The following PPP2R5E variants were observed in gnomAD, a reference collection of about 807,000 sequenced individuals.
The protein encoded by PPP2R5E is serine/threonine-protein phosphatase 2A 56 kDa regulatory subunit epsilon isoform.
A neutral mutation model predicts 65.3 loss-of-function variants in PPP2R5E; 4 were observed. The observed-to-expected ratio is 0.06, with a 90% CI of 0.03 to 0.14. The LOEUF is 0.14. Among genes scored for constraint, PPP2R5E ranks in the 10% least tolerant of loss-of-function variants. The pLI is 1.00. For synonymous variants in PPP2R5E, 183 were observed against 187.4 expected (o/e 0.98, Z 0.19); for missense variants, 274 against 556.1 (o/e 0.49, Z 5.10).
intron 2 of PPP2R5E, among the ~76,000 whole-genome samples, chr14:63,489,027 C>T (rs1029431321): frequency 7.2e-5 from 11 of 151,988 alleles, no homozygotes; most frequent in African/African-American, 1.2e-4. Flanking sequence ...AACCCAGAGG[C>T]GTTAACTGAC....
At chr14:63,535,154 G>C (rs1462122787) in intron 2 of PPP2R5E, among the ~76,000 whole-genome samples, 1 of 152,164 alleles carries the variant, frequency 6.6e-6, no homozygotes, top group Non-Finnish European at 1.5e-5. Flanking sequence ...GCTGGGCGCA[G>C]TGACTGACGC....
chr14:63,482,494 G>A lies in PPP2R5E; in HGVS notation c.158-28609C>T, dbSNP rs1459908551. On this transcript the variant is annotated intron_variant, in intron 2 of 13. Transcript: ENST00000337537. ...AACAACAAAAAAAAACTGTTGCCAT[G>A]AGTCACGCGTGATTTTAGCCTCTAT... Among the ~76,000 whole-genome samples, 5 of 152,074 alleles carry A rather than the reference G, an allele frequency of 3.3e-5. No individual in the cohort carries two copies. The South Asian group carries it at 6.2e-4, about 19-fold the overall frequency.
chr14:63,476,672 A>G (rs1175786010), intron 2 of PPP2R5E, among the ~76,000 whole-genome samples: 2 of 152,150 alleles, frequency 1.3e-5, no homozygotes, highest in East Asian at 3.8e-4. Flanking sequence ...GCCCTACTAT[A>G]TGGATGTATT....
chr14:63,484,080 CAAA>C (rs35786223), intron 2 of PPP2R5E, among the ~76,000 whole-genome samples: 1 of 134,230 alleles, frequency 7.4e-6, no homozygotes, highest in Non-Finnish European at 1.6e-5. Context: ...GAGACTCCAC[CAAA>C]AAAAAAAAAA....
At chr14:63,461,639 T>C (rs1375579334) in intron 2 of PPP2R5E, among the ~76,000 whole-genome samples, 1 of 87,980 alleles carries the variant, frequency 1.1e-5, no homozygotes, top group Non-Finnish European at 2.1e-5. Context: ...TCTACAAAAT[T>C]TAAAAAAAAA....
intron 2 of PPP2R5E, among the ~76,000 whole-genome samples, chr14:63,454,350 T>C (rs1889008167): frequency 6.6e-6 from 1 of 152,234 alleles, no homozygotes. Context: ...AAAGCTATTG[T>C]TGTGTGTTTA....
rs556042266 is a variant in PPP2R5E, at chr14:63,489,461, G to A, written c.158-35576C>T. Among the ~76,000 whole-genome samples the A allele has an allele frequency of 2.0e-3, 299 of 150,668 alleles. 1 individual carries two copies. The highest frequency in any genetic ancestry group is 6.4e-3 in the African/African-American group (260 of 40,910). On this transcript the variant is annotated intron_variant, in intron 2 of 13. Coordinates refer to ENST00000337537, the MANE Select transcript of PPP2R5E (RefSeq NM_006246.5). Reference sequence around the variant, plus strand: ...GAGTCTCACTCTCACCCAGGCTGGAGTGCAGTGGCCCGATCATGGCTCACT... The same window carrying A: ...GAGTCTCACTCTCACCCAGGCTGGAATGCAGTGGCCCGATCATGGCTCACT...
At chr14:63,503,125 A>G (rs1053358369) in intron 2 of PPP2R5E, among the ~76,000 whole-genome samples, 1 of 152,180 alleles carries the variant, frequency 6.6e-6, no homozygotes, top group Non-Finnish European at 1.5e-5. Context: ...ATTACATACT[A>G]TAAGAGCCAA....
chr14:63,490,707 A>T (rs977605565), intron 2 of PPP2R5E, among the ~76,000 whole-genome samples: 8 of 152,116 alleles, frequency 5.3e-5, no homozygotes, highest in African/African-American at 1.9e-4. Context: ...ACCAGTCGGA[A>T]TGAGTACTAT....
chr14:63,432,210 T>C (rs1242070255), intron 3 of PPP2R5E, among the ~76,000 whole-genome samples: 2 of 152,228 alleles, frequency 1.3e-5, no homozygotes, highest in Non-Finnish European at 2.9e-5. Flanking sequence ...ATTTATTTTT[T>C]ACTCTACTGG....
intron 5 of PPP2R5E, among the ~76,000 whole-genome samples, chr14:63,398,551 T>A (rs1389192158): frequency 6.6e-6 from 1 of 152,180 alleles, no homozygotes; most frequent in East Asian, 1.9e-4. Flanking sequence ...CTAGCACTTT[T>A]GGAGGCCGAG....
At chr14:63,502,945 T>C (rs909524234) in intron 2 of PPP2R5E, among the ~76,000 whole-genome samples, 7 of 152,062 alleles carry the variant, frequency 4.6e-5, no homozygotes, top group East Asian at 3.9e-4. Flanking sequence ...CTGGGCAACA[T>C]AGCAAGAAAC....
intron 2 of PPP2R5E, among the ~76,000 whole-genome samples, chr14:63,535,427 AAAAAG>A (rs1174626562): frequency 6.6e-6 from 1 of 152,154 alleles, no homozygotes; most frequent in East Asian, 1.9e-4. Flanking sequence ...ATCTCAAAAA[AAAAAG>A]AAATAGGGCA....
intron 2 of PPP2R5E, among the ~76,000 whole-genome samples, chr14:63,457,910 T>C (rs1889218870): frequency 6.6e-6 from 1 of 152,164 alleles, no homozygotes; most frequent in Admixed American, 6.5e-5. Flanking sequence ...AAGAATGCAA[T>C]GACCAGCTAA....
chr14:63,502,767 T>C (rs1566748015), intron 2 of PPP2R5E, among the ~76,000 whole-genome samples: 1 of 152,196 alleles, frequency 6.6e-6, no homozygotes, highest in Non-Finnish European at 1.5e-5. Flanking sequence ...TAAAATTTTA[T>C]AAAAGCAAAT....
Position 63,507,060 on chromosome 14 carries a change from G to A in PPP2R5E, c.157+32469C>T, listed in dbSNP as rs1408817628. On this transcript the variant is annotated intron_variant, in intron 2 of 13. Coordinates refer to ENST00000337537, the MANE Select transcript of PPP2R5E (RefSeq NM_006246.5). Reference sequence around the variant, plus strand: ...GCCTCCCAAAGTGCTGAGGTTACAGGTGTGAGCCACGGTGCCCAGCCTGGG... The same window carrying A: ...GCCTCCCAAAGTGCTGAGGTTACAGATGTGAGCCACGGTGCCCAGCCTGGG... 2.6e-5 allele frequency among the ~76,000 whole-genome samples: 4 copies of A among 152,186 alleles called. No individual in the cohort carries two copies. The East Asian group carries it at 5.8e-4, about 22-fold the overall frequency.
At chr14:63,531,919 C>CT (rs1445563786) in intron 2 of PPP2R5E, among the ~76,000 whole-genome samples, 1 of 151,906 alleles carries the variant, frequency 6.6e-6, no homozygotes, top group Non-Finnish European at 1.5e-5. Context: ...GGCCACTGCA[C>CT]TCCAGCCTGG....
chr14:63,488,887 A>T lies in PPP2R5E; in HGVS notation c.158-35002T>A, dbSNP rs560767514. The stretch of plus-strand genomic sequence containing the variant: ...AATTTAATTAAATATAAATATAAAT[A>T]TAAATTTAAAAATTCCCAAAAAGAC... On this transcript the variant is annotated intron_variant, in intron 2 of 13. Transcript: ENST00000337537. Among the ~76,000 whole-genome samples, 172 of 151,488 alleles carry T rather than the reference A, an allele frequency of 1.1e-3. 1 individual carries two copies. Among genetic ancestry groups the T allele is most frequent in the Non-Finnish European group, 1.7e-3 (117 of 67,792 alleles).
intron 2 of PPP2R5E, among the ~76,000 whole-genome samples, chr14:63,497,787 A>G (rs1031912639): frequency 2.6e-5 from 4 of 152,068 alleles, no homozygotes; most frequent in African/African-American, 9.7e-5. Context: ...CAAACACAAA[A>G]AACACATGAA....
Sources: gnomAD v4.1 joint callset for allele counts (sites outside exome capture counted in the v4.1 genomes callset) on GRCh38, gnomAD v4.1.1 for gene constraint, MANE v1.5 for transcripts, NCBI Gene and HGNC (gene_info 2026-07-23, HGNC 2026-07-21) for gene names.